ENTREP2: variants seen among roughly 807,000 people sequenced by gnomAD.
ENTREP2 encodes the protein endosomal transmembrane epsin interactor 2, also known as protein ENTREP2.
At chr15:29,350,010 C>A in the ENTREP2 span, among the ~76,000 whole-genome samples, 1 of 152,182 alleles carries the variant, frequency 6.6e-6, no homozygotes, top group Admixed American at 6.5e-5. Flanking sequence ...CTATAGGCAT[C>A]TCCATTTAAG....
At chr15:29,577,867 T>A in the ENTREP2 span, among the ~76,000 whole-genome samples, 1 of 152,134 alleles carries the variant, frequency 6.6e-6, no homozygotes, top group Non-Finnish European at 1.5e-5. Flanking sequence ...CCTTATGAAG[T>A]ACCTAGAGTA....
the ENTREP2 span, among the ~76,000 whole-genome samples, chr15:29,190,609 G>C: frequency 6.6e-6 from 1 of 152,124 alleles, no homozygotes. Context: ...GGAGGGGAGG[G>C]TGCCTGACAG....
chr15:29,400,845 T>C, the ENTREP2 span, among the ~76,000 whole-genome samples: 2 of 152,246 alleles, frequency 1.3e-5, no homozygotes, highest in African/African-American at 4.8e-5. Context: ...GCCTTTGACG[T>C]GTGAGGTCGG....
the ENTREP2 span, among the ~76,000 whole-genome samples, chr15:29,651,989 T>A: frequency 2.0e-5 from 3 of 152,140 alleles, no homozygotes; most frequent in Non-Finnish European, 4.4e-5. Context: ...TCCTGTGGAT[T>A]GGAGGGGGAA....
chr15:29,427,140 T>C, the ENTREP2 span, among the ~76,000 whole-genome samples: 64 of 152,348 alleles, frequency 4.2e-4, no homozygotes, highest in Non-Finnish European at 7.2e-4. Context: ...AGTATGTGTA[T>C]GTCTTTATAA....
At chr15:29,530,985 C>T in the ENTREP2 span, among the ~76,000 whole-genome samples, 5 of 152,098 alleles carry the variant, frequency 3.3e-5, no homozygotes, top group African/African-American at 4.8e-5. Context: ...AAAACGGTGC[C>T]GCACCCAAGT....
At chr15:29,241,866 C>G in the ENTREP2 span, among the ~76,000 whole-genome samples, 1 of 150,398 alleles carries the variant, frequency 6.6e-6, no homozygotes, top group African/African-American at 2.4e-5. Flanking sequence ...GACCCCCCCC[C>G]ACCACCACCC....
the ENTREP2 span, among the ~76,000 whole-genome samples, chr15:29,191,381 A>G: frequency 6.6e-6 from 1 of 152,094 alleles, no homozygotes; most frequent in Non-Finnish European, 1.5e-5. Context: ...TGAAAAAGAT[A>G]TAAAATACAC....
the ENTREP2 span, among the ~76,000 whole-genome samples, chr15:29,495,395 T>C: frequency 6.6e-6 from 1 of 152,210 alleles, no homozygotes; most frequent in Non-Finnish European, 1.5e-5. Flanking sequence ...TATTTTAGTA[T>C]GGTGTAGTCC....
At chr15:29,173,944 C>CAA in the ENTREP2 span, among the ~76,000 whole-genome samples, 973 of 78,664 alleles carry the variant, frequency 0.012, 14 homozygotes, top group African/African-American at 0.035. Context: ...TCTGGATAGC[C>CAA]AAAAAAAAAA....
At chr15:29,543,021 T>A in the ENTREP2 span, among the ~76,000 whole-genome samples, 1 of 152,256 alleles carries the variant, frequency 6.6e-6, no homozygotes, top group Non-Finnish European at 1.5e-5. Flanking sequence ...TTTTGGTTGA[T>A]GCTGTTATGA....
chr15:29,423,661 C>T, the ENTREP2 span, among the ~76,000 whole-genome samples: 2 of 151,152 alleles, frequency 1.3e-5, no homozygotes, highest in Non-Finnish European at 2.9e-5. Flanking sequence ...AGCCGGACGA[C>T]GTGGCGGGCG....
At chr15:29,570,597 C>G in the ENTREP2 span, 5 of 1,462,826 alleles carry the variant, frequency 3.4e-6, no homozygotes, top group Non-Finnish European at 4.5e-6. Flanking sequence ...ATGAGGCATC[C>G]GAGCGCCATC....
chr15:29,516,275 T>C, the ENTREP2 span, among the ~76,000 whole-genome samples: 1 of 152,138 alleles, frequency 6.6e-6, no homozygotes, highest in Non-Finnish European at 1.5e-5. Context: ...GATACATGGA[T>C]GGTAACTGAA....
the ENTREP2 span, among the ~76,000 whole-genome samples, chr15:29,355,496 T>A: frequency 7.4e-6 from 1 of 135,066 alleles, no homozygotes. Flanking sequence ...AGGGACAGAG[T>A]GATACAAATA....
At chr15:29,399,797 G>C in the ENTREP2 span, among the ~76,000 whole-genome samples, 2 of 152,206 alleles carry the variant, frequency 1.3e-5, no homozygotes, top group South Asian at 2.1e-4. Flanking sequence ...AAAGAGAAAA[G>C]AAAATGCTAT....
the ENTREP2 span, among the ~76,000 whole-genome samples, chr15:29,575,179 A>T: frequency 6.6e-6 from 1 of 152,152 alleles, no homozygotes; most frequent in Non-Finnish European, 1.5e-5. Context: ...CTGGAGCAGG[A>T]AATAAGTCAA....
At chr15:29,628,162 GATA>G in the ENTREP2 span, among the ~76,000 whole-genome samples, 3 of 152,196 alleles carry the variant, frequency 2.0e-5, no homozygotes, top group Non-Finnish European at 2.9e-5. Flanking sequence ...AATTTGGGAG[GATA>G]ATAAGTCATC....
chr15:29,226,288 T>C, the ENTREP2 span, among the ~76,000 whole-genome samples: 6 of 152,360 alleles, frequency 3.9e-5, no homozygotes, highest in South Asian at 1.2e-3. Flanking sequence ...AAGTTTACTT[T>C]GCTAGGAAAC....
Sources: allele counts gnomAD v4.1 joint callset (sites outside exome capture counted in the v4.1 genomes callset), GRCh38; gene constraint gnomAD v4.1.1; transcripts MANE v1.5; gene names NCBI Gene and HGNC (gene_info 2026-07-23, HGNC 2026-07-21).